SHISA9: variants seen among roughly 807,000 people sequenced by gnomAD.
SHISA9 encodes shisa family member 9.
SHISA9 carries 13 observed loss-of-function variants against 38.0 expected under a neutral mutation model. The ratio of observed to expected loss-of-function variants is 0.34; its 90% CI spans 0.22 to 0.54. The LOEUF is 0.54. SHISA9 is among the 20% of genes least tolerant of loss of function. The pLI is 0.91. For synonymous variants in SHISA9, 275 were observed against 242.0 expected, an observed-to-expected ratio of 1.14 and a Z score of -1.27; for missense variants, 538 against 575.8, an observed-to-expected ratio of 0.93 and a Z score of 0.67.
chr16:13,084,750 TA>T (rs2073691932), intron 2 of SHISA9, among the ~76,000 whole-genome samples: 1 of 592 alleles, frequency 1.7e-3, no homozygotes, highest in Non-Finnish European at 3.1e-3. Context: ...GCTTAGACCA[TA>T]GACCATAGAC....
chr16:13,469,330 G>GAAAGAAAGAA, the SHISA9 span, among the ~76,000 whole-genome samples: 5 of 100,948 alleles, frequency 5.0e-5, no homozygotes, highest in African/African-American at 1.8e-4. Context: ...GAGAAAGAAA[G>GAAAGAAAGAA]AAAGAAAGAA....
intron 2 of SHISA9, among the ~76,000 whole-genome samples, chr16:12,976,658 G>T (rs1024728081): frequency 6.6e-6 from 1 of 152,148 alleles, no homozygotes. Context: ...GTTCTAAGGT[G>T]TAGATGTTGC....
At chr16:13,315,028 A>G in the SHISA9 span, among the ~76,000 whole-genome samples, 1 of 152,122 alleles carries the variant, frequency 6.6e-6, no homozygotes, top group Non-Finnish European at 1.5e-5. Context: ...ACACAACAGG[A>G]TCCCAGTCCC....
chr16:13,452,112 C>G, the SHISA9 span, among the ~76,000 whole-genome samples: 2 of 152,198 alleles, frequency 1.3e-5, no homozygotes, highest in Non-Finnish European at 2.9e-5. Context: ...TCTCCAGTGT[C>G]TATGGCAACC....
chr16:13,420,937 C>A, the SHISA9 span, among the ~76,000 whole-genome samples: 1 of 152,212 alleles, frequency 6.6e-6, no homozygotes, highest in Non-Finnish European at 1.5e-5. Flanking sequence ...CCCAGCGAAA[C>A]AGCTAGATTT....
chr16:13,362,694 C>G, the SHISA9 span, among the ~76,000 whole-genome samples: 1 of 152,152 alleles, frequency 6.6e-6, no homozygotes, highest in Non-Finnish European at 1.5e-5. Context: ...TCCCATATCC[C>G]TGGTGGTAGT....
intron 2 of SHISA9, among the ~76,000 whole-genome samples, chr16:13,137,465 T>A (rs1002129568): frequency 1.6e-4 from 24 of 151,974 alleles, no homozygotes; most frequent in African/African-American, 5.3e-4. Context: ...CTTTTTATTT[T>A]TTTTTTTTTG....
chr16:13,410,705 A>G, the SHISA9 span, among the ~76,000 whole-genome samples: 1 of 152,214 alleles, frequency 6.6e-6, no homozygotes, highest in Admixed American at 6.5e-5. Context: ...ACATTGGGAG[A>G]TCTCAATAAA....
At chr16:13,020,037 C>A (rs1224940915) in intron 2 of SHISA9, among the ~76,000 whole-genome samples, 1 of 110,072 alleles carries the variant, frequency 9.1e-6, no homozygotes, top group Non-Finnish European at 1.9e-5. Context: ...CTCTTTCTTT[C>A]TTTTTTTTTG....
intron 2 of SHISA9, among the ~76,000 whole-genome samples, chr16:13,103,286 T>C (rs1056081203): frequency 5.3e-5 from 8 of 152,228 alleles, no homozygotes; most frequent in African/African-American, 1.9e-4. Flanking sequence ...AAAGCCCCCT[T>C]CTCAAAGATC....
At chr16:13,544,089 T>A in the SHISA9 span, among the ~76,000 whole-genome samples, 1 of 152,092 alleles carries the variant, frequency 6.6e-6, no homozygotes, top group African/African-American at 2.4e-5. Context: ...AGGGAGGCAG[T>A]CTCCATTGCA....
chr16:12,996,831 A>T (rs1320748257), intron 2 of SHISA9, among the ~76,000 whole-genome samples: 1 of 152,156 alleles, frequency 6.6e-6, no homozygotes, highest in Non-Finnish European at 1.5e-5. Context: ...TTTTAAAAAA[A>T]GTTTCGTGGC....
intron 1 of SHISA9, among the ~76,000 whole-genome samples, chr16:12,907,421 TCTTG>T (rs2071117191): frequency 1.3e-5 from 2 of 151,656 alleles, no homozygotes; most frequent in African/African-American, 4.9e-5. Flanking sequence ...CTTCTTTCTT[TCTTG>T]GCTGAAACAT....
At chr16:13,390,680 A>G in the SHISA9 span, among the ~76,000 whole-genome samples, 2 of 152,228 alleles carry the variant, frequency 1.3e-5, no homozygotes, top group African/African-American at 4.8e-5. Flanking sequence ...TGTAACAAGC[A>G]TGTTACAGTC....
At chr16:13,543,791 C>G in the SHISA9 span, among the ~76,000 whole-genome samples, 1 of 152,232 alleles carries the variant, frequency 6.6e-6, no homozygotes, top group African/African-American at 2.4e-5. Flanking sequence ...TAGCATCGAC[C>G]CTTCCTTCCC....
chr16:12,989,762 A>G (rs1337143276), intron 2 of SHISA9, among the ~76,000 whole-genome samples: 1 of 152,024 alleles, frequency 6.6e-6, no homozygotes, highest in Admixed American at 6.6e-5. Context: ...CACACCATGA[A>G]TTGTTATTAT....
At chr16:13,355,403 C>T in the SHISA9 span, among the ~76,000 whole-genome samples, 19 of 151,480 alleles carry the variant, frequency 1.3e-4, no homozygotes, top group Non-Finnish European at 2.1e-4. Context: ...GTATCTTATA[C>T]TTGTGGGTTA....
chr16:13,034,254 G>T (rs1008064304), intron 2 of SHISA9, among the ~76,000 whole-genome samples: 1 of 152,182 alleles, frequency 6.6e-6, no homozygotes, highest in Non-Finnish European at 1.5e-5. Context: ...GTAGGATAGA[G>T]GGAAAGATTC....
At chr16:13,531,998 C>T in the SHISA9 span, among the ~76,000 whole-genome samples, 1 of 152,188 alleles carries the variant, frequency 6.6e-6, no homozygotes, top group South Asian at 2.1e-4. Flanking sequence ...CCAACCAAAT[C>T]GGCAGTTAAC....
Sources: allele counts gnomAD v4.1 joint callset (sites outside exome capture counted in the v4.1 genomes callset), GRCh38; gene constraint gnomAD v4.1.1; transcripts MANE v1.5; gene names NCBI Gene and HGNC (gene_info 2026-07-23, HGNC 2026-07-21).